Variants in PRP4K observed in about 807,000 individuals in gnomAD.
PRP4K encodes the protein serine/threonine-protein kinase PRP4 homolog.
the PRP4K span, among the ~76,000 whole-genome samples, chr6:4,044,658 T>A: frequency 2.3e-3 from 344 of 152,214 alleles, 1 homozygote; most frequent in Non-Finnish European, 3.4e-3. Flanking sequence ...ATTTCTCTTG[T>A]CCTTTTGCCC....
chr6:4,030,694 A>G, the PRP4K span, among the ~76,000 whole-genome samples: 1 of 152,226 alleles, frequency 6.6e-6, no homozygotes, highest in Non-Finnish European at 1.5e-5. Flanking sequence ...TATTTTGGGA[A>G]ACTGAGTTCT....
the PRP4K span, among the ~76,000 whole-genome samples, chr6:4,053,374 A>G: frequency 6.6e-6 from 1 of 152,070 alleles, no homozygotes; most frequent in Non-Finnish European, 1.5e-5. Flanking sequence ...TCAGGGGTAC[A>G]TGTGCAGGCT....
the PRP4K span, chr6:4,032,368 G>A: frequency 6.2e-7 from 1 of 1,614,032 alleles, no homozygotes; most frequent in Non-Finnish European, 8.5e-7. Flanking sequence ...AATGAAAGTA[G>A]AAGTCGCGAT....
chr6:4,036,302 A>G, the PRP4K span, among the ~76,000 whole-genome samples: 4 of 151,798 alleles, frequency 2.6e-5, no homozygotes, highest in African/African-American at 9.7e-5. Context: ...GCTCACTGCA[A>G]CCTCTGCCTC....
At chr6:4,047,907 C>CGT in the PRP4K span, among the ~76,000 whole-genome samples, 1 of 80,972 alleles carries the variant, frequency 1.2e-5, no homozygotes, top group Non-Finnish European at 2.5e-5. Flanking sequence ...TATGTACACA[C>CGT]ACACACACAC....
chr6:4,058,885 G>T, the PRP4K span: 1 of 1,208,732 alleles, frequency 8.3e-7, no homozygotes, highest in Non-Finnish European at 1.1e-6. Flanking sequence ...ACGAGCTGGT[G>T]AATTAAAAAA....
the PRP4K span, among the ~76,000 whole-genome samples, chr6:4,042,125 A>T: frequency 6.6e-6 from 1 of 152,240 alleles, no homozygotes; most frequent in Non-Finnish European, 1.5e-5. Flanking sequence ...CAGAAAAGGT[A>T]GCAATTTACT....
At chr6:4,024,503 GTC>G in the PRP4K span, among the ~76,000 whole-genome samples, 1 of 151,658 alleles carries the variant, frequency 6.6e-6, no homozygotes, top group South Asian at 2.1e-4. Context: ...AGTTCTCTGT[GTC>G]TCTGTATATT....
At chr6:4,031,800 G>T in the PRP4K span, 3 of 1,613,482 alleles carry the variant, frequency 1.9e-6, no homozygotes, top group Non-Finnish European at 2.5e-6. Flanking sequence ...TATGTCTCCA[G>T]CAAAAAGAAC....
chr6:4,063,330 T>G, the PRP4K span: 1 of 152,120 alleles, frequency 6.6e-6, no homozygotes, highest in African/African-American at 2.4e-5. Flanking sequence ...AAAATAGTGG[T>G]CAACTTTAGT....
At chr6:4,039,359 A>G in the PRP4K span, among the ~76,000 whole-genome samples, 1 of 152,232 alleles carries the variant, frequency 6.6e-6, no homozygotes, top group African/African-American at 2.4e-5. Context: ...CTCCTGGGAA[A>G]TAGACCTGGC....
chr6:4,054,751 G>C, the PRP4K span, among the ~76,000 whole-genome samples: 2 of 152,136 alleles, frequency 1.3e-5, no homozygotes, highest in Admixed American at 6.5e-5. Flanking sequence ...TGATCTGCCC[G>C]CCTCGTCCTC....
At chr6:4,056,765 C>G in the PRP4K span, 2 of 1,419,740 alleles carry the variant, frequency 1.4e-6, no homozygotes, top group Non-Finnish European at 1.9e-6. Flanking sequence ...ATTAGCACCT[C>G]CACCAAAGGC....
At chr6:4,033,328 TAAG>T in the PRP4K span, among the ~76,000 whole-genome samples, 2 of 152,304 alleles carry the variant, frequency 1.3e-5, no homozygotes, top group South Asian at 4.1e-4. Flanking sequence ...CTCTTAAGCT[TAAG>T]AAGAATAGTA....
At chr6:4,036,812 C>A in the PRP4K span, among the ~76,000 whole-genome samples, 1 of 109,014 alleles carries the variant, frequency 9.2e-6, no homozygotes, top group Non-Finnish European at 2.3e-5. Context: ...CATAGTGAGA[C>A]CCCCATCACT....
At chr6:4,029,108 C>CT in the PRP4K span, among the ~76,000 whole-genome samples, 13 of 149,194 alleles carry the variant, frequency 8.7e-5, no homozygotes, top group South Asian at 2.1e-4. Context: ...CAGCTGCAAA[C>CT]TCCTGGGCTC....
At chr6:4,042,917 G>C in the PRP4K span, among the ~76,000 whole-genome samples, 5 of 152,192 alleles carry the variant, frequency 3.3e-5, no homozygotes, top group African/African-American at 1.2e-4. Context: ...GCATGTTACT[G>C]TGTGAATAAA....
chr6:4,024,476 A>T, the PRP4K span, among the ~76,000 whole-genome samples: 1 of 152,226 alleles, frequency 6.6e-6, no homozygotes, highest in African/African-American at 2.4e-5. Context: ...TTATTCATAC[A>T]CAAATTTAAA....
the PRP4K span, among the ~76,000 whole-genome samples, chr6:4,060,215 C>CA: frequency 1.3e-5 from 2 of 152,012 alleles, no homozygotes; most frequent in Admixed American, 1.3e-4. The surrounding 1 kb of genome is among the most constrained non-coding windows in gnomAD (Gnocchi z 4.7). Context: ...AAAGGGAGAG[C>CA]AAAAATACGG....
Sources: gnomAD v4.1 joint callset for allele counts (sites outside exome capture counted in the v4.1 genomes callset) on GRCh38, gnomAD v4.1.1 for gene constraint, Gnocchi (gnomAD v3.1) non-coding constraint, MANE v1.5 for transcripts, NCBI Gene and HGNC (gene_info 2026-07-23, HGNC 2026-07-21) for gene names.